HEPHL1: variants seen among roughly 807,000 people sequenced by gnomAD.
The protein encoded by HEPHL1 is ferroxidase HEPHL1.
Under a neutral mutation model 122.0 loss-of-function variants are expected in HEPHL1, and 123 were observed. That is an observed-to-expected ratio of 1.01 (90% CI 0.87 to 1.17). HEPHL1 has a LOEUF of 1.17. Ranked by LOEUF, HEPHL1 falls within the 50% of genes most tolerant of loss-of-function variation. HEPHL1 has a pLI of 0.00. For missense variants in HEPHL1, 1,452 were observed against 1,430.5 expected (o/e 1.01, Z -0.24); for synonymous variants, 527 against 508.9 (o/e 1.04, Z -0.48).
chr11:94,104,413 C>G (rs1480025298), intron 15 of HEPHL1, 115 bp from the exon 16 acceptor site: 13 of 704,284 alleles, frequency 1.8e-5, no homozygotes, highest in Non-Finnish European at 3.1e-5. Context: ...AGAGAAGAAT[C>G]AATTTCTAGT....
At chr11:94,111,474 A>G in intron 18 of HEPHL1, 63 bp from the exon 19 acceptor site, 5 of 1,228,956 alleles carry the variant, frequency 4.1e-6, no homozygotes, top group Non-Finnish European at 5.9e-6. Flanking sequence ...TGAAATGACT[A>G]GTGTCATGAA....
intron 1 of HEPHL1, among the ~76,000 whole-genome samples, chr11:94,026,437 A>G (rs1352769428): frequency 1.3e-5 from 2 of 152,232 alleles, no homozygotes; most frequent in African/African-American, 4.8e-5. Flanking sequence ...ATTGCAAGGC[A>G]GCTGGCAGTC....
At chr11:94,097,092 T>G (rs1591487071) in intron 13 of HEPHL1, among the ~76,000 whole-genome samples, 1 of 152,256 alleles carries the variant, frequency 6.6e-6, no homozygotes, top group Admixed American at 6.5e-5. Flanking sequence ...GCTTATCTTG[T>G]TATTTTAATT....
At chr11:94,093,768 A>G in intron 13 of HEPHL1, 128 bp downstream of exon 13, 2 of 1,031,016 alleles carry the variant, frequency 1.9e-6, no homozygotes, top group East Asian at 2.5e-5. Context: ...GCATTCCTCC[A>G]AGTGTAATAT....
intron 1 of HEPHL1, among the ~76,000 whole-genome samples, chr11:94,027,996 G>A (rs1349144195): frequency 2.0e-5 from 3 of 151,670 alleles, no homozygotes; most frequent in East Asian, 1.9e-4. Context: ...GGTGAAGAAC[G>A]TTCCTTCTCA....
At chr11:94,044,926 T>G (rs1031315977) in intron 1 of HEPHL1, among the ~76,000 whole-genome samples, 3 of 145,558 alleles carry the variant, frequency 2.1e-5, no homozygotes, top group Admixed American at 6.6e-5. Context: ...TGCCTGGCTA[T>G]TTTTTTTAAG....
chr11:94,088,720 G>A (rs757426790), intron 11 of HEPHL1, 35 bp from the exon 12 acceptor site: 189 of 1,527,832 alleles, frequency 1.2e-4, no homozygotes, highest in Non-Finnish European at 1.6e-4. Context: ...AAAATACCGA[G>A]CACCACACTC....
At chr11:94,082,172 A>C (rs1946175813) in intron 9 of HEPHL1, among the ~76,000 whole-genome samples, 2 of 152,204 alleles carry the variant, frequency 1.3e-5, no homozygotes, top group Admixed American at 1.3e-4. Context: ...AAAGAGTAGA[A>C]AGCCTTCTAA....
intron 13 of HEPHL1, among the ~76,000 whole-genome samples, chr11:94,097,360 G>A (rs548609344): frequency 6.6e-6 from 1 of 152,308 alleles, no homozygotes; most frequent in South Asian, 2.1e-4. Flanking sequence ...GTTCTAGTTT[G>A]ATTGCACTGT....
In HEPHL1 at chr11:94,070,426, C is replaced by T; in HGVS notation, c.1116C>T (p.Tyr372=). 6.2e-7 allele frequency: 1 copy of T among 1,605,274 alleles called. No individual in the cohort carries two copies. Among genetic ancestry groups the T allele is most frequent in the Non-Finnish European group, 8.5e-7 (1 of 1,175,518 alleles). The change falls in exon 6 of 20, where the codon TAC becomes TAT. Residue 372 remains tyrosine, a synonymous_variant. Transcript: ENST00000315765. ...NVDNCKSDIF[Y]PKMKGQQRRY... Reference sequence around the variant, plus strand: ...ATAACTGCAAAAGTGATATTTTCTACCCCAAGATGAAGGGTCAACAGAGGC... The same window carrying T: ...ATAACTGCAAAAGTGATATTTTCTATCCCAAGATGAAGGGTCAACAGAGGC...
chr11:94,024,108 T>C (rs1945604532), intron 1 of HEPHL1, among the ~76,000 whole-genome samples: 1 of 152,194 alleles, frequency 6.6e-6, no homozygotes, highest in South Asian at 2.1e-4. Flanking sequence ...ATAGGCTGCC[T>C]TTCTGAGGAC....
intron 2 of HEPHL1, among the ~76,000 whole-genome samples, chr11:94,049,328 C>A (rs1565348895): frequency 7.5e-6 from 1 of 133,582 alleles, no homozygotes; most frequent in Non-Finnish European, 1.6e-5. Flanking sequence ...CCCCTCCAAA[C>A]CCAAAAAACA....
chr11:94,070,991 C>G (rs1477777857), intron 6 of HEPHL1, among the ~76,000 whole-genome samples: 1 of 152,068 alleles, frequency 6.6e-6, no homozygotes, highest in African/African-American at 2.4e-5. Flanking sequence ...CCTTTATGTC[C>G]TACAAATATT....
chr11:94,111,799 A>C lies in HEPHL1; in HGVS notation c.3385A>C (p.Thr1129Pro). 2 of 1,576,810 alleles carry C rather than the reference A, an allele frequency of 1.3e-6. No homozygotes were observed. Among genetic ancestry groups the C allele is most frequent in the African/African-American group, 1.4e-5 (1 of 73,764 alleles). Reference protein sequence around the residue: ...LFIIGLLLLITTVILSLRLCS... With the variant: ...LFIIGLLLLIPTVILSLRLCS... ...CATCATTGGACTCCTCCTTCTAATC[A>C]CCACGGTGATTCTCTCCCTCAGACT... is the stretch of plus-strand genomic sequence containing the variant. Residue 1129 changes from threonine (T) to proline (P), a missense_variant, in exon 20 of 20, where the codon ACC becomes CCC. Transcript: ENST00000315765.
chr11:94,083,580 T>C (rs1946191553), intron 10 of HEPHL1, among the ~76,000 whole-genome samples: 1 of 152,202 alleles, frequency 6.6e-6, no homozygotes, highest in South Asian at 2.1e-4. Flanking sequence ...ATAAAATCTA[T>C]TTATTGCCTT....
At chr11:94,056,690 T>TATC (rs1394900271) in intron 2 of HEPHL1, among the ~76,000 whole-genome samples, 8 of 152,164 alleles carry the variant, frequency 5.3e-5, no homozygotes, top group African/African-American at 1.9e-4. Flanking sequence ...TCTATCTATC[T>TATC]ATCTATCTAT....
chr11:94,064,567 A>G (rs1946018483), intron 4 of HEPHL1, 57 bp downstream of exon 4: 2 of 1,161,438 alleles, frequency 1.7e-6, no homozygotes, highest in Non-Finnish European at 2.5e-6. Context: ...ATAAGGTACT[A>G]CAAGGGATAA....
chr11:94,094,651 C>T (rs1194659559), intron 13 of HEPHL1, among the ~76,000 whole-genome samples: 2 of 152,212 alleles, frequency 1.3e-5, no homozygotes, highest in Non-Finnish European at 2.9e-5. Context: ...CACATCCTCT[C>T]CAGCACCTGT....
chr11:94,071,748 C>G (rs1946075755), intron 6 of HEPHL1, among the ~76,000 whole-genome samples: 1 of 152,046 alleles, frequency 6.6e-6, no homozygotes, highest in South Asian at 2.1e-4. Flanking sequence ...TCTGGATGCT[C>G]AGAGAGAGCT....
Sources: allele counts gnomAD v4.1 joint callset (sites outside exome capture counted in the v4.1 genomes callset), GRCh38; gene constraint gnomAD v4.1.1; transcripts MANE v1.5; gene names NCBI Gene and HGNC (gene_info 2026-07-23, HGNC 2026-07-21).